Variants in FAM228A observed in about 807,000 individuals in gnomAD.
FAM228A encodes the protein family with sequence similarity 228 member A.
Under a neutral mutation model 18.6 loss-of-function variants are expected in FAM228A, and 13 were observed. That is an observed-to-expected ratio of 0.70 (90% CI 0.45 to 1.11). The LOEUF is 1.11. Among genes scored for constraint, FAM228A ranks in the 50% least tolerant of loss-of-function variants. The probability of loss-of-function intolerance (pLI) is 0.00; values close to 1 mark genes in which losing one functional copy is unlikely to be tolerated. For synonymous variants in FAM228A, 77 were observed against 86.6 expected, an observed-to-expected ratio of 0.89 and a Z score of 0.61; for missense variants, 240 against 242.2, an observed-to-expected ratio of 0.99 and a Z score of 0.06.
rs767312501 is a variant in FAM228A at position 24,175,488 on chromosome 2, C to T, written c.8C>T (p.Ala3Val). 1.2e-6 allele frequency: 2 copies of T among 1,613,818 alleles called. No individual in the cohort carries two copies. Among genetic ancestry groups the T allele is most frequent in the African/African-American group, 1.3e-5 (1 of 74,940 alleles). ...TCAGGGATTCTCCTGTCCATGGCTG[C>T]CACCAAAACTGCGAGTTATGATGAA... MA[A>V]TKTASYDEHF... Residue 3 changes from alanine to valine, a missense_variant, in exon 2 of 6, where the codon GCC (alanine) becomes GTC (valine). Transcript: ENST00000295150.
chr2:24,190,141 G>A (rs1668045443), intron 5 of FAM228A, among the ~76,000 whole-genome samples: 1 of 152,152 alleles, frequency 6.6e-6, no homozygotes, highest in South Asian at 2.1e-4. Context: ...AAGCCCCTTT[G>A]TCCCAACTAC....
intron 1 of FAM228A, 85 bp downstream of exon 1, chr2:24,175,259 A>AAAGGCCCGCTTTGGCCCGAGGAC: frequency 1.9e-6 from 1 of 539,744 alleles, no homozygotes; most frequent in African/African-American, 1.9e-5. Flanking sequence ...GCCCCGGAGG[A>AAAGGCCCGCTTTGGCCCGAGGAC]AAGGCCCGCT....
At chr2:24,183,883 C>G (rs575727403) in intron 5 of FAM228A, among the ~76,000 whole-genome samples, 2 of 152,156 alleles carry the variant, frequency 1.3e-5, no homozygotes, top group Non-Finnish European at 2.9e-5. Flanking sequence ...GAGCCTGCCC[C>G]CTCCCGAGAC....
At chr2:24,183,017 A>C (rs1558403809) in intron 3 of FAM228A, among the ~76,000 whole-genome samples, 1 of 152,030 alleles carries the variant, frequency 6.6e-6, no homozygotes, top group Non-Finnish European at 1.5e-5. Flanking sequence ...TTAAATTTCA[A>C]CTTTTAGATT....
rs1438413241 is a variant in FAM228A, at chr2:24,190,466, G to A, written c.456G>A (p.Thr152=). ...AACAGAAAAGAAAAGAGAAAAAGAC[G>A]GCCGACCTAAGTCAGGCTGCGTTTG... The part of the protein sequence containing the change: ...DKKQKRKEKK[T]ADLSQAAFER... The change falls in exon 6 of 6, where the codon ACG becomes ACA. Residue 152 remains threonine, a synonymous_variant. Transcript: ENST00000295150. The A allele has an allele frequency of 3.7e-6, 6 of 1,614,050 alleles. No individual in the cohort carries two copies. Among genetic ancestry groups the A allele is most frequent in the South Asian group, 2.2e-5 (2 of 91,060 alleles).
At chr2:24,182,899 C>T (rs1001919842) in intron 3 of FAM228A, among the ~76,000 whole-genome samples, 6 of 152,172 alleles carry the variant, frequency 3.9e-5, no homozygotes, top group South Asian at 2.1e-4. Flanking sequence ...AGGCTCTGTA[C>T]GACATCCTCA....
At position 24,177,841 on chromosome 2, in the gene FAM228A, A is replaced by G. The variant is rs771759680; in HGVS notation, c.133A>G (p.Ile45Val). 23 of 1,603,394 alleles carry G rather than the reference A, an allele frequency of 1.4e-5. No homozygotes were observed. The highest frequency in any genetic ancestry group is 2.2e-5 in the East Asian group (1 of 44,740). The change falls in exon 3 of 6, where the codon ATA becomes GTA. Residue 45 changes from isoleucine (I) to valine (V), a missense_variant. By Grantham distance (29) the Ile-to-Val change is conservative. Transcript: ENST00000295150. ...AGACATTGATGAAGCAGTATGTGCA[A>G]TATTATTTAAAGAAAATTCCATTGT... is the stretch of plus-strand genomic sequence containing the variant. ...REDIDEAVCA[I>V]LFKENSIVKV... is the part of the protein sequence containing the mutation.
chr2:24,190,322 T>C (rs1321306214), intron 5 of FAM228A, 90 bp from the exon 6 acceptor site: 1 of 1,409,710 alleles, frequency 7.1e-7, no homozygotes, highest in East Asian at 2.5e-5. Context: ...AAGTGACGAT[T>C]GAGTTCATTG....
In FAM228A at chr2:24,190,430, T is replaced by A; in HGVS notation, c.420T>A (p.Tyr140Ter). 1.2e-6 allele frequency: 2 copies of A among 1,613,156 alleles called. No individual in the cohort carries two copies. The highest frequency in any genetic ancestry group is 1.7e-6 in the Non-Finnish European group (2 of 1,179,782). Residue 140 changes from tyrosine (Y) to a stop codon, truncating the protein, a stop_gained, in exon 6 of 6, where the codon TAT becomes TAA. Coordinates refer to ENST00000295150, the MANE Select transcript of FAM228A (RefSeq NM_001040710.3). LOFTEE classifies it low-confidence loss of function (END_TRUNC). ...TYKYSPEKLI[Y>*]ADKKQKRKEK... ...TTCACAGTCCTGAAAAGCTCATCTATGCAGACAAGAAACAGAAAAGAAAAG... is the reference window on the plus strand; with the variant it reads ...TTCACAGTCCTGAAAAGCTCATCTAAGCAGACAAGAAACAGAAAAGAAAAG...
intron 2 of FAM228A, 52 bp downstream of exon 2, chr2:24,175,625 G>GT: frequency 3.0e-6 from 4 of 1,322,120 alleles, no homozygotes; most frequent in South Asian, 1.2e-5. Context: ...GACCCCTCGA[G>GT]TTTGGGAACT....
chr2:24,183,255 G>A (rs1174030267), intron 3 of FAM228A, 30 bp from the exon 4 acceptor site: 2 of 1,472,672 alleles, frequency 1.4e-6, no homozygotes, highest in Non-Finnish European at 9.5e-7. Context: ...ACTGCACTCT[G>A]GTACTCAAAG....
At position 24,191,559 on chromosome 2, in the gene FAM228A, G is replaced by T; in HGVS notation, c.*928G>T. The stretch of plus-strand genomic sequence containing the variant: ...TGTACAACGTGATGATTTGCTATAG[G>T]TATTCATTGTGAAATGTTTGCCACA... On this transcript the variant is annotated 3_prime_UTR_variant, in exon 6 of 6. Transcript: ENST00000295150. The T allele has an allele frequency of 1.1e-6, 1 of 917,800 alleles. No homozygotes were observed. The highest frequency in any genetic ancestry group is 1.3e-6 in the Non-Finnish European group (1 of 767,940). The allele number at this position is 917,800 out of a possible 1,614,324, so 56.9% of individuals were successfully genotyped here. A position where few individuals can be genotyped will look rare whatever the true frequency, so the allele number is the denominator to read the frequency against.
At chr2:24,178,756 C>T (rs1045636750) in intron 3 of FAM228A, among the ~76,000 whole-genome samples, 1 of 152,142 alleles carries the variant, frequency 6.6e-6, no homozygotes, top group Admixed American at 6.5e-5. Context: ...CCAGACTTTC[C>T]TGATGGTGAA....
At chr2:24,188,683 A>G in intron 5 of FAM228A, 2 of 983,368 alleles carry the variant, frequency 2.0e-6, no homozygotes, top group Non-Finnish European at 2.4e-6. Context: ...CCCACAGAGG[A>G]AGGTAAGAGT....
At chr2:24,178,926 T>G (rs758247967) in intron 3 of FAM228A, among the ~76,000 whole-genome samples, 4 of 152,256 alleles carry the variant, frequency 2.6e-5, no homozygotes, top group Non-Finnish European at 5.9e-5. Context: ...TCTTCTGCTC[T>G]GTGTTCCCAG....
intron 5 of FAM228A, among the ~76,000 whole-genome samples, chr2:24,188,143 C>T (rs1274046415): frequency 6.6e-6 from 1 of 151,976 alleles, no homozygotes; most frequent in East Asian, 1.9e-4. Context: ...TTTTGTCTTT[C>T]CATGTTTGGT....
At chr2:24,178,434 C>T (rs11898222) in intron 3 of FAM228A, among the ~76,000 whole-genome samples, 3,187 of 152,070 alleles carry the variant, frequency 0.021, 33 homozygotes, top group South Asian at 0.046. Flanking sequence ...ATTAGCCAGA[C>T]ATGGTGGCAC....
chr2:24,176,351 A>AT (rs1553335414), intron 2 of FAM228A: 5 of 272,200 alleles, frequency 1.8e-5, no homozygotes, highest in African/African-American at 6.7e-5. Context: ...CTTCATTTTA[A>AT]TTAAAAAAAA....
Position 24,175,464 on chromosome 2 carries a change from C to T in FAM228A, c.-14-3C>T, listed in dbSNP as rs765801249. 15 of 1,607,224 alleles carry T rather than the reference C, an allele frequency of 9.3e-6. No individual in the cohort carries two copies. Among genetic ancestry groups the T allele is most frequent in the South Asian group, 2.2e-5 (2 of 90,966 alleles). The stretch of plus-strand genomic sequence containing the variant: ...AGCCTCAGTTTACCTTTTCATCCCT[C>T]AGGGATTCTCCTGTCCATGGCTGCC... On this transcript the variant is annotated splice_polypyrimidine_tract_variant and splice_region_variant and intron_variant, in intron 1 of 5. Transcript: ENST00000295150.
Sources: allele counts gnomAD v4.1 joint callset (sites outside exome capture counted in the v4.1 genomes callset), GRCh38; gene constraint gnomAD v4.1.1; transcripts MANE v1.5; gene names NCBI Gene and HGNC (gene_info 2026-07-23, HGNC 2026-07-21).